SLC17A1: variants seen among roughly 807,000 people sequenced by gnomAD.
SLC17A1 encodes the protein solute carrier family 17 member 1, also known as sodium-dependent phosphate transport protein 1.
A neutral mutation model predicts 53.5 loss-of-function variants in SLC17A1; 51 were observed. The observed-to-expected ratio is 0.95, with a 90% CI of 0.76 to 1.20. The LOEUF (loss-of-function observed/expected upper bound fraction) is 1.20, where lower values mean the gene tolerates loss of function less well. SLC17A1 is among the 50% of genes most tolerant of loss of function. The pLI is 0.00. For synonymous variants in SLC17A1, 179 were observed against 198.8 expected, an observed-to-expected ratio of 0.90 and a Z score of 0.84; for missense variants, 538 against 568.2, an observed-to-expected ratio of 0.95 and a Z score of 0.54.
At chr6:25,821,488 G>A (rs1270999627) in intron 3 of SLC17A1, among the ~76,000 whole-genome samples, 2 of 152,152 alleles carry the variant, frequency 1.3e-5, no homozygotes, top group African/African-American at 2.4e-5. Context: ...GTTTTGTTTT[G>A]TTTTGTTTTT....
the SLC17A1 span, among the ~76,000 whole-genome samples, chr6:25,741,440 C>T: frequency 5.0e-5 from 7 of 139,780 alleles, no homozygotes; most frequent in South Asian, 2.3e-4. Flanking sequence ...AAAAAAAGGG[C>T]GCAGCGGGTC....
rs1313537102 is a variant in SLC17A1 at position 25,819,872 on chromosome 6, AAG to A, written c.249_250del (p.Leu84GlufsTer72). 1 of 1,613,666 alleles carries A rather than the reference AAG, an allele frequency of 6.2e-7. No individual in the cohort carries two copies. Among genetic ancestry groups the A allele is most frequent in the African/African-American group, 1.3e-5 (1 of 74,920 alleles). On this transcript the variant is annotated frameshift_variant, in exon 4 of 13. Transcript: ENST00000244527. LOFTEE classifies it high-confidence loss of function. ...GATGACACCATAGGAGGTGGAACTCAAGATGATTCCCTGGATATCTGGGCTCC... is the reference window on the plus strand; with the variant it reads ...GATGACACCATAGGAGGTGGAACTCAATGATTCCCTGGATATCTGGGCTCC...
the SLC17A1 span, chr6:25,726,011 G>A: frequency 3.5e-6 from 3 of 860,912 alleles, no homozygotes; most frequent in African/African-American, 3.3e-5. Context: ...CAAGTAAGAT[G>A]GCTGGTTAAC....
intron 12 of SLC17A1, among the ~76,000 whole-genome samples, chr6:25,789,832 A>C (rs1023855253): frequency 8.5e-5 from 13 of 152,238 alleles, no homozygotes; most frequent in African/African-American, 2.7e-4. Context: ...GGCCGAAAAG[A>C]ATATCACTGA....
At chr6:25,743,486 A>G in the SLC17A1 span, among the ~76,000 whole-genome samples, 4,456 of 152,306 alleles carry the variant, frequency 0.029, 96 homozygotes, top group Non-Finnish European at 0.046. Flanking sequence ...AGCACCTTCT[A>G]TGTAATTCTG....
At chr6:25,731,692 A>AAATAAACATTC in the SLC17A1 span, 4 of 891,572 alleles carry the variant, frequency 4.5e-6, no homozygotes, top group East Asian at 1.1e-4. Flanking sequence ...CTCTATAATA[A>AAATAAACATTC]AATAAACATT....
the SLC17A1 span, among the ~76,000 whole-genome samples, chr6:25,749,671 GT>G: frequency 1.1e-4 from 16 of 147,204 alleles, no homozygotes; most frequent in South Asian, 1.1e-3. Context: ...AGGGACTCAA[GT>G]TTTTTTTTTT....
At chr6:25,727,691 A>G in the SLC17A1 span, among the ~76,000 whole-genome samples, 1 of 151,952 alleles carries the variant, frequency 6.6e-6, no homozygotes, top group Non-Finnish European at 1.5e-5. Flanking sequence ...ATATATCCAA[A>G]TCAGCTGTGG....
chr6:25,770,942 CT>C, the SLC17A1 span: 3 of 1,613,862 alleles, frequency 1.9e-6, no homozygotes, highest in African/African-American at 4.0e-5. Flanking sequence ...TGCTGGGGTC[CT>C]TCATTGTTCT....
At chr6:25,741,486 G>A in the SLC17A1 span, among the ~76,000 whole-genome samples, 7 of 151,824 alleles carry the variant, frequency 4.6e-5, no homozygotes, top group East Asian at 5.8e-4. Flanking sequence ...AGGCCGAGGC[G>A]AGTGGATCAC....
chr6:25,725,846 G>T, the SLC17A1 span, among the ~76,000 whole-genome samples: 3 of 151,988 alleles, frequency 2.0e-5, no homozygotes, highest in African/African-American at 4.8e-5. Context: ...AACCTCCACT[G>T]AAGTGCAAGT....
the SLC17A1 span, chr6:25,770,980 C>T: frequency 1.2e-6 from 2 of 1,613,746 alleles, no homozygotes; most frequent in Non-Finnish European, 1.7e-6. Flanking sequence ...CTCTGCCAGA[C>T]CATAGGATGG....
At chr6:25,727,103 T>C in the SLC17A1 span, 1 of 1,614,236 alleles carries the variant, frequency 6.2e-7, no homozygotes, top group Non-Finnish European at 8.5e-7. Context: ...GCATTATGAA[T>C]TCCTTCGTCA....
At chr6:25,793,424 G>A (rs1427117111) in intron 12 of SLC17A1, among the ~76,000 whole-genome samples, 13 of 152,178 alleles carry the variant, frequency 8.5e-5, no homozygotes, top group Non-Finnish European at 1.5e-5. Context: ...GAGAAAGAGA[G>A]GCACATTATT....
At chr6:25,755,006 A>G in the SLC17A1 span, among the ~76,000 whole-genome samples, 12 of 151,428 alleles carry the variant, frequency 7.9e-5, no homozygotes, top group African/African-American at 2.9e-4. Context: ...AAATTTTCTA[A>G]AAGTATAGCT....
intron 6 of SLC17A1, among the ~76,000 whole-genome samples, chr6:25,814,360 T>C (rs1447828538): frequency 6.6e-6 from 1 of 152,206 alleles, no homozygotes; most frequent in Non-Finnish European, 1.5e-5. Flanking sequence ...AATTATTTTA[T>C]TCAATCAACT....
the SLC17A1 span, among the ~76,000 whole-genome samples, chr6:25,760,313 A>C: frequency 6.6e-6 from 1 of 152,304 alleles, no homozygotes; most frequent in Admixed American, 6.5e-5. Flanking sequence ...GAAGTTGAGC[A>C]AATGCTACTC....
Position 25,813,091 on chromosome 6 carries a change from C to T in SLC17A1, c.735+4G>A, listed in dbSNP as rs1764216606. The T allele has an allele frequency of 6.2e-7, 1 of 1,613,452 alleles. No homozygotes were observed. Among genetic ancestry groups the T allele is most frequent in the East Asian group, 2.2e-5 (1 of 44,872 alleles). ...AGATGCCAATATGGAGAACTGTGTTCTACCTGCTGGACCAGGGAGGATGTG... is the reference window on the plus strand; with the variant it reads ...AGATGCCAATATGGAGAACTGTGTTTTACCTGCTGGACCAGGGAGGATGTG... On this transcript the variant is annotated splice_donor_region_variant and intron_variant, in intron 7 of 12. Transcript: ENST00000244527.
chr6:25,820,598 T>C (rs1449983964), intron 3 of SLC17A1, among the ~76,000 whole-genome samples: 1 of 152,102 alleles, frequency 6.6e-6, no homozygotes, highest in Non-Finnish European at 1.5e-5. Flanking sequence ...TAAAGAATGA[T>C]GGCCGGGCGC....
Sources: allele counts gnomAD v4.1 joint callset (sites outside exome capture counted in the v4.1 genomes callset), GRCh38; gene constraint gnomAD v4.1.1; transcripts MANE v1.5; gene names NCBI Gene and HGNC (gene_info 2026-07-23, HGNC 2026-07-21).